Variants in MYO9A observed in about 807,000 individuals in gnomAD.
The protein encoded by MYO9A is unconventional myosin-IXa.
In MYO9A, 103 loss-of-function variants were observed where a neutral mutation model predicts 293.3. That is an observed-to-expected ratio of 0.35 (90% CI 0.30 to 0.41). MYO9A has a LOEUF of 0.41. Ranked by LOEUF, MYO9A falls within the 10% of genes least tolerant of loss-of-function variation. The probability of loss-of-function intolerance (pLI) is 1.00; values close to 1 mark genes in which losing one functional copy is unlikely to be tolerated. For synonymous variants in MYO9A, 1,001 were observed against 1,035.7 expected (o/e 0.97, Z 0.64); for missense variants, 2,685 against 3,033.0 (o/e 0.89, Z 2.69).
rs1338284342 is a variant in MYO9A, at chr15:71,830,094, C to T, written c.7040+15G>A. On this transcript the variant is annotated intron_variant, in intron 40 of 41. Coordinates refer to ENST00000356056, the MANE Select transcript of MYO9A (RefSeq NM_006901.4). The stretch of plus-strand genomic sequence containing the variant: ...CAGACTATAACTGTCTCTCCCCTTC[C>T]TCCTGGATACTCACTTCTCCTTCTG... 2.5e-6 allele frequency: 4 copies of T among 1,612,516 alleles called. No individual in the cohort carries two copies. The highest frequency in any genetic ancestry group is 2.5e-6 in the Non-Finnish European group (3 of 1,178,796).
chr15:72,047,772 T>C (rs891792737), intron 1 of MYO9A, among the ~76,000 whole-genome samples: 1 of 99,300 alleles, frequency 1.0e-5, no homozygotes, highest in Non-Finnish European at 2.0e-5. Flanking sequence ...TTCAGTTACT[T>C]CCTTTTTTTT....
intron 11 of MYO9A, among the ~76,000 whole-genome samples, chr15:71,989,919 C>A (rs2076494832): frequency 2.0e-5 from 3 of 151,632 alleles, no homozygotes; most frequent in Admixed American, 2.0e-4. Flanking sequence ...GGTCCCAGCT[C>A]TTGAGTGGCT....
At chr15:71,982,005 ATTTTTTTTTTTTTTTTTTT>A (rs750930471) in intron 11 of MYO9A, among the ~76,000 whole-genome samples, 16 of 56,258 alleles carry the variant, frequency 2.8e-4, no homozygotes, top group South Asian at 9.8e-4. Context: ...CCTATTTAGA[ATTTTTTTTTTTTTTTTTTT>A]TTTTTTTTTT....
At chr15:72,078,423 T>C (rs866329999) in intron 1 of MYO9A, among the ~76,000 whole-genome samples, 1 of 152,022 alleles carries the variant, frequency 6.6e-6, no homozygotes, top group African/African-American at 2.4e-5. Flanking sequence ...ACCAGAAAGA[T>C]AGAGGCTAGA....
chr15:72,107,493 G>A (rs1008802050), intron 1 of MYO9A, among the ~76,000 whole-genome samples: 2 of 152,148 alleles, frequency 1.3e-5, no homozygotes, highest in African/African-American at 2.4e-5. Context: ...AAGTTGCAGT[G>A]AGCCAAAATC....
Position 71,837,441 on chromosome 15 carries a change from G to C in MYO9A, c.6838-7130C>G, listed in dbSNP as rs781093743. ...TCCAGGACATCATCCAGTTCCATTT[G>C]ACATTGACTATTTCTAGCCAAATGA... On this transcript the variant is annotated intron_variant, in intron 39 of 41. Transcript: ENST00000356056. 2.6e-5 allele frequency among the ~76,000 whole-genome samples: 4 copies of C among 152,034 alleles called. No individual in the cohort carries two copies. The East Asian group carries it at 5.8e-4, about 22-fold the overall frequency.
At chr15:71,853,359 A>T (rs2055734721) in intron 35 of MYO9A, among the ~76,000 whole-genome samples, 1 of 152,214 alleles carries the variant, frequency 6.6e-6, no homozygotes. Context: ...AAACACCTTC[A>T]CCCGTTTCAC....
chr15:72,049,713 C>T (rs1057288371), intron 1 of MYO9A, among the ~76,000 whole-genome samples: 1 of 152,238 alleles, frequency 6.6e-6, no homozygotes, highest in Non-Finnish European at 1.5e-5. Context: ...ATCTAAACTG[C>T]ATGCTCCTTA....
chr15:71,874,080 C>G (rs2056605067), intron 32 of MYO9A, among the ~76,000 whole-genome samples: 1 of 152,148 alleles, frequency 6.6e-6, no homozygotes, highest in Admixed American at 6.5e-5. Context: ...GTTAGGTATA[C>G]TACTTTCAAA....
intron 1 of MYO9A, among the ~76,000 whole-genome samples, chr15:72,095,901 G>A (rs2080047022): frequency 1.3e-5 from 2 of 151,946 alleles, no homozygotes; most frequent in African/African-American, 4.8e-5. Flanking sequence ...CCAACATGGT[G>A]AAACCTCGTC....
chr15:71,848,744 T>TA lies in MYO9A; in HGVS notation c.6837+100dup, dbSNP rs1555461479. ...TTGGTGACGTTTTACTTGTTTTTTA[T>TA]AAAAAAGATTCTGATAATAATCCTT... On this transcript the variant is annotated intron_variant, in intron 39 of 41. Transcript: ENST00000356056. 2.9e-6 allele frequency: 4 copies of TA among 1,356,396 alleles called. No homozygotes were observed. The African/African-American group carries it at 4.4e-5, about 15-fold the overall frequency. The allele number at this position is 1,356,396 out of a possible 1,614,324, so 84.0% of individuals were successfully genotyped here.
intron 18 of MYO9A, among the ~76,000 whole-genome samples, chr15:71,931,377 C>T (rs2058470367): frequency 6.6e-6 from 1 of 152,126 alleles, no homozygotes; most frequent in African/African-American, 2.4e-5. Context: ...GGGCATAGTA[C>T]TATGGTTGGC....
At chr15:71,994,677 T>C in intron 9 of MYO9A, 92 bp from the exon 10 acceptor site, 2 of 629,670 alleles carry the variant, frequency 3.2e-6, no homozygotes, top group Non-Finnish European at 2.7e-6. Flanking sequence ...GAAAGAAACT[T>C]ACTATCCTGA....
At chr15:71,862,457 T>TGTCA in intron 33 of MYO9A, 43 bp downstream of exon 33, 1 of 1,424,018 alleles carries the variant, frequency 7.0e-7, no homozygotes, top group Non-Finnish European at 9.9e-7. Context: ...GAAACAGAAA[T>TGTCA]GTCAGTGGTT....
chr15:71,908,021 T>G (rs569540685), intron 19 of MYO9A, among the ~76,000 whole-genome samples: 2 of 152,230 alleles, frequency 1.3e-5, no homozygotes, highest in African/African-American at 2.4e-5. Flanking sequence ...TACTTGCCCA[T>G]GCCTATGTCC....
chr15:71,976,569 G>A (rs535856693), intron 12 of MYO9A, among the ~76,000 whole-genome samples: 4 of 152,046 alleles, frequency 2.6e-5, no homozygotes, highest in African/African-American at 4.8e-5. Flanking sequence ...TTCTCAACAC[G>A]GAATATCAAA....
intron 1 of MYO9A, among the ~76,000 whole-genome samples, chr15:72,061,468 G>A (rs1169319246): frequency 2.6e-5 from 4 of 151,692 alleles, no homozygotes; most frequent in African/African-American, 9.7e-5. Context: ...TTGCTCTGAA[G>A]AGAGACCCAA....
chr15:71,858,513 A>C (rs2055962116), intron 34 of MYO9A: 1 of 152,234 alleles, frequency 6.6e-6, no homozygotes, highest in Non-Finnish European at 1.5e-5. Flanking sequence ...CAGGACAGAA[A>C]ACCAAACACC....
rs2078371827 is a variant in MYO9A, at chr15:72,045,943, T to C, written c.621A>G (p.Gln207=). ...PKYVKMYDNH[Q]LGKLEPHIYA... is the part of the protein sequence containing the mutation. ...AAATGTGGGGCTCAAGTTTTCCCAG[T>C]TGGTGGTTATCATACATTTTGACAT... Residue 207 remains glutamine (Q), a synonymous_variant, in exon 2 of 42, where the codon CAA becomes CAG. Transcript: ENST00000356056. 1 of 1,614,116 alleles carries C rather than the reference T, an allele frequency of 6.2e-7. No individual in the cohort carries two copies. Among genetic ancestry groups the C allele is most frequent in the East Asian group, 2.2e-5 (1 of 44,862 alleles).
Sources: allele counts gnomAD v4.1 joint callset (sites outside exome capture counted in the v4.1 genomes callset), GRCh38; gene constraint gnomAD v4.1.1; transcripts MANE v1.5; gene names NCBI Gene and HGNC (gene_info 2026-07-23, HGNC 2026-07-21).